The following SHANK2 variants were observed in gnomAD, a reference collection of about 807,000 sequenced individuals.
SHANK2 encodes SH3 and multiple ankyrin repeat domains 2, also known as SH3 and multiple ankyrin repeat domains protein 2.
In SHANK2, 43 loss-of-function variants were observed where a neutral mutation model predicts 133.7. That is an observed-to-expected ratio of 0.32 (90% CI 0.25 to 0.41). The LOEUF (loss-of-function observed/expected upper bound fraction) is 0.41, where lower values mean the gene tolerates loss of function less well. Ranked by LOEUF, SHANK2 falls within the 10% of genes least tolerant of loss-of-function variation. SHANK2 has a pLI of 1.00. For synonymous variants in SHANK2, 1,017 were observed against 952.8 expected, an observed-to-expected ratio of 1.07 and a Z score of -1.24; for missense variants, 1,994 against 2,235.8, an observed-to-expected ratio of 0.89 and a Z score of 2.18.
At chr11:71,239,427 G>A (rs918248602) in intron 1 of SHANK2, among the ~76,000 whole-genome samples, 28 of 152,216 alleles carry the variant, frequency 1.8e-4, no homozygotes, top group African/African-American at 5.8e-4. Flanking sequence ...AAAGATACAG[G>A]TCACTCTATG....
intron 13 of SHANK2, among the ~76,000 whole-genome samples, chr11:70,799,644 T>C (rs1340589429): frequency 6.6e-6 from 1 of 152,134 alleles, no homozygotes; most frequent in Admixed American, 6.5e-5. Context: ...TGACTTGTGG[T>C]TGAAAGAAGC....
At chr11:70,762,789 T>C (rs1466347280) in intron 14 of SHANK2, among the ~76,000 whole-genome samples, 1 of 152,250 alleles carries the variant, frequency 6.6e-6, no homozygotes, top group African/African-American at 2.4e-5. Flanking sequence ...TAAGGCCACC[T>C]GGCCCTCTAC....
chr11:70,878,806 G>A (rs369248832), intron 11 of SHANK2, among the ~76,000 whole-genome samples: 4 of 152,250 alleles, frequency 2.6e-5, no homozygotes, highest in African/African-American at 9.6e-5. Flanking sequence ...TAACTCCTAC[G>A]AGCTTGTTCC....
At position 70,955,051 on chromosome 11, in the gene SHANK2, G is replaced by A. The variant is rs1950898193; in HGVS notation, c.1108-58484C>T. Among the ~76,000 whole-genome samples, 6 of 152,172 alleles carry A rather than the reference G, an allele frequency of 3.9e-5. No individual in the cohort carries two copies. In the South Asian group the frequency reaches 1.2e-3, roughly 32 times the overall value. On this transcript the variant is annotated intron_variant, in intron 10 of 25. Coordinates refer to ENST00000601538, the MANE Select transcript of SHANK2 (RefSeq NM_012309.5). ...TCATCAGAAAGACATCCACATCAAG[G>A]CCTTCTTTGTCGTTTCCCTCCCATT... is the stretch of plus-strand genomic sequence containing the variant.
rs1554977543 is a variant in SHANK2, at chr11:70,550,173, C to T, written c.2062-47242G>A. On this transcript the variant is annotated intron_variant, in intron 17 of 25. Transcript: ENST00000601538. Reference sequence around the variant, plus strand: ...GGGAGGCACCATCAACCCACCCCCTCTATGCCCACCCAGCAGCCCAGGTGT... The same window carrying T: ...GGGAGGCACCATCAACCCACCCCCTTTATGCCCACCCAGCAGCCCAGGTGT... Among the ~76,000 whole-genome samples, 4 of 152,352 alleles carry T rather than the reference C, an allele frequency of 2.6e-5. No homozygotes were observed. In the South Asian group the frequency reaches 6.2e-4, roughly 24 times the overall value.
intron 11 of SHANK2, among the ~76,000 whole-genome samples, chr11:70,835,288 CTG>C (rs1282175571): frequency 1.3e-5 from 2 of 152,152 alleles, no homozygotes; most frequent in Non-Finnish European, 2.9e-5. Flanking sequence ...AGCTGAGTGA[CTG>C]TGGATACCTG....
At position 70,565,362 on chromosome 11, in the gene SHANK2, C is replaced by T. The variant is rs1395495811; in HGVS notation, c.2062-62431G>A. ...CAGGTTCAAGCAATTCTTCCTGCCT[C>T]AGCCTCCCGAATAGCTGGGATTACA... On this transcript the variant is annotated intron_variant, in intron 17 of 25. Coordinates refer to ENST00000601538, the MANE Select transcript of SHANK2 (RefSeq NM_012309.5). Among the ~76,000 whole-genome samples the T allele has an allele frequency of 2.0e-5, 3 of 152,234 alleles. No homozygotes were observed. In the East Asian group the frequency reaches 5.8e-4, roughly 29 times the overall value.
At chr11:70,611,611 T>C (rs1251760956) in intron 17 of SHANK2, among the ~76,000 whole-genome samples, 2 of 152,242 alleles carry the variant, frequency 1.3e-5, no homozygotes, top group African/African-American at 4.8e-5. Context: ...CATTTATCAT[T>C]CCATTCTTTA....
At chr11:70,893,646 C>A (rs1334778017) in intron 11 of SHANK2, among the ~76,000 whole-genome samples, 1 of 152,172 alleles carries the variant, frequency 6.6e-6, no homozygotes, top group East Asian at 1.9e-4. Context: ...TCAGATGAAA[C>A]AAGAGGTTTT....
At chr11:71,133,345 C>G (rs1266514612) in intron 3 of SHANK2, among the ~76,000 whole-genome samples, 6 of 33,344 alleles carry the variant, frequency 1.8e-4, no homozygotes, top group Admixed American at 9.5e-4. Context: ...TGGGAGGATG[C>G]ATGGCTGGCT....
At chr11:70,588,940 C>T (rs2136259342) in intron 17 of SHANK2, among the ~76,000 whole-genome samples, 1 of 152,322 alleles carries the variant, frequency 6.6e-6, no homozygotes, top group Admixed American at 6.5e-5. Flanking sequence ...GCCTCAGCCT[C>T]CCGAGTAGCT....
intron 6 of SHANK2, among the ~76,000 whole-genome samples, chr11:71,108,928 A>T (rs1590920510): frequency 6.7e-6 from 1 of 149,720 alleles, no homozygotes; most frequent in Non-Finnish European, 1.5e-5. Flanking sequence ...CTGAATCCAC[A>T]CCCAGCGGGC....
At chr11:71,102,255 CTT>C (rs1951726450) in intron 6 of SHANK2, among the ~76,000 whole-genome samples, 1 of 151,270 alleles carries the variant, frequency 6.6e-6, no homozygotes, top group African/African-American at 2.5e-5. Flanking sequence ...TGGAGGAAGT[CTT>C]TATTTTTTTT....
At chr11:70,911,275 G>A in intron 10 of SHANK2, 1 of 438,354 alleles carries the variant, frequency 2.3e-6, no homozygotes, top group South Asian at 1.6e-5. Context: ...GCCCTGGCTT[G>A]AACCCAGAAG....
intron 1 of SHANK2, among the ~76,000 whole-genome samples, chr11:71,248,688 G>A (rs1555125369): frequency 6.6e-6 from 1 of 152,206 alleles, no homozygotes; most frequent in African/African-American, 2.4e-5. Flanking sequence ...TGACTAGCGG[G>A]TGGCTCTGTC....
At chr11:71,179,698 G>GA (rs1169644258) in intron 2 of SHANK2, among the ~76,000 whole-genome samples, 2 of 152,114 alleles carry the variant, frequency 1.3e-5, no homozygotes, top group African/African-American at 4.8e-5. Flanking sequence ...TGGAATCCTT[G>GA]AAAAAACTAC....
chr11:70,521,265 T>C (rs1279070018), intron 17 of SHANK2, among the ~76,000 whole-genome samples: 1 of 152,216 alleles, frequency 6.6e-6, no homozygotes, highest in Non-Finnish European at 1.5e-5. Flanking sequence ...TATCCATCTA[T>C]CATTACTTTC....
chr11:70,534,691 T>A (rs1198008147), intron 17 of SHANK2, among the ~76,000 whole-genome samples: 3 of 151,412 alleles, frequency 2.0e-5, no homozygotes, highest in Non-Finnish European at 2.9e-5. Context: ...TGCTGGGGAG[T>A]CCAAACTGGT....
At chr11:71,124,392 AGAT>A (rs1952142801) in intron 3 of SHANK2, among the ~76,000 whole-genome samples, 1 of 147,546 alleles carries the variant, frequency 6.8e-6, no homozygotes, top group African/African-American at 2.5e-5. Context: ...GTGATGATGA[AGAT>A]GATGGTGATG....
Sources: allele counts gnomAD v4.1 joint callset (sites outside exome capture counted in the v4.1 genomes callset), GRCh38; gene constraint gnomAD v4.1.1; transcripts MANE v1.5; gene names NCBI Gene and HGNC (gene_info 2026-07-23, HGNC 2026-07-21).